Variants in GJB1 observed in about 807,000 individuals in gnomAD.
GJB1 encodes gap junction beta-1 protein.
Under a neutral mutation model 12.0 loss-of-function variants are expected in GJB1, and 1 was observed. The observed-to-expected ratio is 0.08, with a 90% CI of 0.03 to 0.40. The LOEUF is 0.40. Among genes scored for constraint, GJB1 ranks in the 10% least tolerant of loss-of-function variants. The pLI is 0.98. For missense variants in GJB1, 140 were observed against 250.3 expected, an observed-to-expected ratio of 0.56 and a Z score of 2.97; for synonymous variants, 114 against 102.8, an observed-to-expected ratio of 1.11 and a Z score of -0.66.
At chrX:71,220,666 C>A (rs2092535679), upstream of GJB1, among the ~76,000 whole-genome samples, 1 of 106,174 alleles carries the variant, frequency 9.4e-6, no homozygotes, top group Non-Finnish European at 1.9e-5. Flanking sequence ...GCCACCACAC[C>A]CAGCTAATTT....
upstream of GJB1, among the ~76,000 whole-genome samples, chrX:71,222,001 G>C (rs1465613248): frequency 4.5e-5 from 5 of 110,220 alleles, no homozygotes; most frequent in Non-Finnish European, 9.5e-5. Flanking sequence ...AATTAGCTGG[G>C]CATGGTGACA....
At chrX:71,223,635 C>T in intron 1 of GJB1, 57 bp from the exon 2 acceptor site, 2 of 1,138,973 alleles carry the variant, frequency 1.8e-6, no homozygotes, top group South Asian at 1.8e-5. Flanking sequence ...AGTGCTATGG[C>T]GCCCGACTTT....
upstream of GJB1, among the ~76,000 whole-genome samples, chrX:71,220,421 C>T (rs766176651): frequency 8.4e-4 from 91 of 108,443 alleles, no homozygotes; most frequent in Non-Finnish European, 5.1e-4. Context: ...ATCCACCCAC[C>T]TCAGCCTCCC....
Position 71,215,443 on chromosome X carries a change from C to T in GJB1, c.-17+172C>T, listed in dbSNP as rs755194924. Among the ~76,000 whole-genome samples, 643 of 112,305 alleles carry T rather than the reference C, an allele frequency of 5.7e-3. 7 individuals are homozygous for T. Among genetic ancestry groups the T allele is most frequent in the African/African-American group, 0.02 (615 of 30,992 alleles). ...TCCCTCTGAAGCTGGGGTGAGGCCC[C>T]TCCTGCCAGGTGCCAGACTTGCTTA... On this transcript the variant is annotated intron_variant, in intron 1 of 1. Transcript: ENST00000374029.
At chrX:71,218,515 G>A (rs1459785448), upstream of GJB1, among the ~76,000 whole-genome samples, 1 of 109,391 alleles carries the variant, frequency 9.1e-6, no homozygotes, top group African/African-American at 3.3e-5. Flanking sequence ...CCGGGAGGCG[G>A]AGGTTGCAGT....
chrX:71,225,000 G>T lies in GJB1; in HGVS notation c.*441G>T. On this transcript the variant is annotated 3_prime_UTR_variant, in exon 2 of 2. Coordinates refer to ENST00000361726, the MANE Select transcript of GJB1 (RefSeq NM_000166.6). Reference sequence around the variant, plus strand: ...TGTGGACATGTGGGTGGAGAAGGGAGGGTGGCCAGCACTAGTAAAGGAGGA... The same window carrying T: ...TGTGGACATGTGGGTGGAGAAGGGATGGTGGCCAGCACTAGTAAAGGAGGA... The T allele has an allele frequency of 5.5e-6, 1 of 180,605 alleles. No individual in the cohort carries two copies. The highest frequency in any genetic ancestry group is 1.5e-4 in the East Asian group (1 of 6,730). The allele number at this position is 180,605 out of a possible 1,213,427, so 14.9% of individuals were successfully genotyped here. A position where few individuals can be genotyped will look rare whatever the true frequency, so the allele number is the denominator to read the frequency against.
chrX:71,219,337 G>C (rs1259354172), upstream of GJB1, among the ~76,000 whole-genome samples: 1 of 108,829 alleles, frequency 9.2e-6, no homozygotes, highest in Non-Finnish European at 1.9e-5. Context: ...TAATTTTTGT[G>C]TTTCTTTTTT....
upstream of GJB1, chrX:71,222,766 T>C (rs2092540088): frequency 9.1e-6 from 1 of 110,460 alleles, no homozygotes; most frequent in Admixed American, 9.7e-5. Context: ...AAAGAAAAAA[T>C]GTATGGAACA....
rs186956817 is a variant in GJB1 at position 71,216,503 on chromosome X, G to A, written c.-17+1232G>A. On this transcript the variant is annotated intron_variant, in intron 1 of 1. Coordinates refer to the GJB1 transcript ENST00000374029. ...CCTGGCTCACGGGGTTGTTGTGAGC[G>A]TGAGAGTCTGTGAATATACACACAG... 3.5e-3 allele frequency among the ~76,000 whole-genome samples: 384 copies of A among 109,320 alleles called. 1 individual carries two copies. Among genetic ancestry groups the A allele is most frequent in the African/African-American group, 0.012 (354 of 29,965 alleles). The allele number at this position is 109,320 out of a possible 115,157, so 94.9% of individuals were successfully genotyped here.
At position 71,224,083 on chromosome X, in the gene GJB1, C is replaced by T. The variant is rs879253995; in HGVS notation, c.376C>T (p.His126Tyr). 6 of 1,207,881 alleles carry T rather than the reference C, an allele frequency of 5.0e-6. No homozygotes were observed. Among genetic ancestry groups the T allele is most frequent in the Non-Finnish European group, 6.7e-6 (6 of 893,577 alleles). ...HLEEVKRHKV[H>Y]ISGTLWWTYV... ...GGAGGAGGTGAAGAGGCACAAGGTC[C>T]ACATCTCAGGGACACTGTGGTGGAC... is the stretch of plus-strand genomic sequence containing the variant. Residue 126 changes from histidine to tyrosine, a missense_variant, in exon 2 of 2, where the codon CAC becomes TAC. This residue lies in a region of GJB1 where 49 missense variants were observed against 104.5 expected (regional missense o/e 0.47). Coordinates refer to ENST00000361726, the MANE Select transcript of GJB1 (RefSeq NM_000166.6).
chrX:71,218,125 C>G (rs1362628115), intron 1 of GJB1, among the ~76,000 whole-genome samples: 2 of 110,870 alleles, frequency 1.8e-5, no homozygotes. Flanking sequence ...AACACCATCT[C>G]TACTAAAAAT....
At chrX:71,218,792 A>G (rs2092530618), upstream of GJB1, among the ~76,000 whole-genome samples, 1 of 100,096 alleles carries the variant, frequency 1.0e-5, no homozygotes, top group Admixed American at 1.1e-4. Flanking sequence ...AGTCTGAGGC[A>G]GAAGAATGGC....
chrX:71,217,437 T>G (rs1237582217), intron 1 of GJB1, among the ~76,000 whole-genome samples: 1 of 111,811 alleles, frequency 8.9e-6, no homozygotes, highest in East Asian at 2.8e-4. Context: ...GCTTGAGTGC[T>G]AGGGCAAATC....
rs2092541808 is a variant in GJB1, at chrX:71,223,686, T to C, written c.-16-6T>C. 1 of 1,207,798 alleles carries C rather than the reference T, an allele frequency of 8.3e-7. No individual in the cohort carries two copies. Among genetic ancestry groups the C allele is most frequent in the African/African-American group, 1.8e-5 (1 of 56,926 alleles). ...GACAGCTTGCTTCATGGCTGGTGTT[T>C]TGCAGGTGTGAATGAGGCAGGATGA... On this transcript the variant is annotated splice_polypyrimidine_tract_variant and splice_region_variant and intron_variant, in intron 1 of 1. Transcript: ENST00000361726.
chrX:71,215,620 G>C (rs1206336883), intron 1 of GJB1, among the ~76,000 whole-genome samples: 4 of 112,131 alleles, frequency 3.6e-5, no homozygotes, highest in Non-Finnish European at 7.5e-5. Context: ...TTGTCTCTCT[G>C]AGACATTTCC....
chrX:71,220,889 C>CTTTTTTTTTTTTTTTTTTTTTTTTT (rs1491472340), upstream of GJB1, among the ~76,000 whole-genome samples: 5 of 52,745 alleles, frequency 9.5e-5, 1 homozygote, highest in African/African-American at 3.1e-4. Context: ...TTGTTTCTTT[C>CTTTTTTTTTTTTTTTTTTTTTTTTT]CTTTTTTTTT....
rs863224471 is a variant in GJB1 at position 71,224,254 on chromosome X, C to T, written c.547C>T (p.Arg183Cys). 1 of 1,201,586 alleles carries T rather than the reference C, an allele frequency of 8.3e-7. No homozygotes were observed. ...CAACACAGTGGACTGCTTCGTGTCC[C>T]GCCCCACCGAGAAAACCGTCTTCAC... ...CPNTVDCFVS[R>C]PTEKTVFTVF... The change falls in exon 2 of 2, where the codon CGC becomes TGC. Residue 183 changes from arginine to cysteine, a missense_variant. Arg to Cys is a radical substitution (Grantham distance 180). Around this residue, in one of 4 missense-constraint regions of GJB1, gnomAD observed 49 missense variants for 104.5 expected, o/e 0.47. Transcript: ENST00000361726.
upstream of GJB1, among the ~76,000 whole-genome samples, chrX:71,219,853 T>G (rs1270404440): frequency 9.8e-6 from 1 of 101,608 alleles, no homozygotes; most frequent in Admixed American, 1.1e-4. Context: ...ATTCTTTTTT[T>G]TTTTTAAGAG....
At chrX:71,218,676 G>T (rs1347264314), upstream of GJB1, among the ~76,000 whole-genome samples, 2 of 110,347 alleles carry the variant, frequency 1.8e-5, no homozygotes, top group Admixed American at 9.8e-5. Flanking sequence ...GAGGTCAGGA[G>T]ATCAAGACCA....
Sources: allele counts gnomAD v4.1 joint callset (sites outside exome capture counted in the v4.1 genomes callset), GRCh38; gene constraint gnomAD v4.1.1; regional missense constraint gnomAD v4.1.1; transcripts MANE v1.5; gene names NCBI Gene and HGNC (gene_info 2026-07-23, HGNC 2026-07-21).